TNIP1: variants seen among roughly 807,000 people sequenced by gnomAD.
TNIP1 encodes the protein TNFAIP3 interacting protein 1, also known as TNFAIP3-interacting protein 1.
A neutral mutation model predicts 86.6 loss-of-function variants in TNIP1; 22 were observed. The observed-to-expected ratio is 0.25, with a 90% CI of 0.18 to 0.36. TNIP1 has a LOEUF of 0.36. Ranked by LOEUF, TNIP1 falls within the 10% of genes least tolerant of loss-of-function variation. The pLI is 1.00. For missense variants in TNIP1, 709 were observed against 820.6 expected (o/e 0.86, Z 1.66); for synonymous variants, 294 against 313.0 (o/e 0.94, Z 0.64).
chr5:151,042,740 C>T, intron 10 of TNIP1, 69 bp from the exon 11 acceptor site: 2 of 1,601,820 alleles, frequency 1.2e-6, no homozygotes, highest in South Asian at 1.1e-5. Context: ...TGGGCAGGGC[C>T]TGGCTGCCCC....
At chr5:151,034,171 A>ATAGC (rs1191665716) in intron 15 of TNIP1, among the ~76,000 whole-genome samples, 5 of 101,838 alleles carry the variant, frequency 4.9e-5, no homozygotes, top group African/African-American at 1.8e-4. Context: ...ACAGAAGGCT[A>ATAGC]GTACATGGGC....
At chr5:151,030,945 C>A (rs1756806991) in intron 17 of TNIP1, among the ~76,000 whole-genome samples, 198 bp from the exon 18 acceptor site, 1 of 152,146 alleles carries the variant, frequency 6.6e-6, no homozygotes, top group Admixed American at 6.5e-5. Context: ...GTTATTATCC[C>A]ATTGTAAAAG....
chr5:151,049,136 G>A (rs61229874), intron 8 of TNIP1, among the ~76,000 whole-genome samples: 2,623 of 152,296 alleles, frequency 0.017, 72 homozygotes, highest in African/African-American at 0.06. Flanking sequence ...AAGACATTGA[G>A]CCCTACTGTT....
intron 4 of TNIP1, among the ~76,000 whole-genome samples, 170 bp from the exon 5 acceptor site, chr5:151,060,565 C>T (rs1229477401): frequency 6.6e-6 from 1 of 152,254 alleles, no homozygotes; most frequent in Admixed American, 6.5e-5. Context: ...CTCGACAAGC[C>T]TGTCATAGCC....
At chr5:151,063,780 T>A in intron 2 of TNIP1, 33 bp from the exon 3 acceptor site, 1 of 1,605,706 alleles carries the variant, frequency 6.2e-7, no homozygotes, top group Non-Finnish European at 8.5e-7. Flanking sequence ...AGCAAAAGCA[T>A]TTACTCGGCT....
chr5:151,070,478 C>A (rs1762709456), intron 1 of TNIP1, among the ~76,000 whole-genome samples: 1 of 152,160 alleles, frequency 6.6e-6, no homozygotes, highest in Admixed American at 6.5e-5. Context: ...TCCACTTATT[C>A]TCTAGTGACC....
rs182662795 is a variant in TNIP1, at chr5:151,032,170, G to A, written c.1876+117C>T. 1.1e-5 allele frequency: 9 copies of A among 825,520 alleles called. No homozygotes were observed. In the Admixed American group the frequency reaches 2.2e-4, roughly 21 times the overall value. 51.1% of individuals were successfully genotyped at this position (825,520 alleles called of 1,614,324 possible). A position where few individuals can be genotyped will look rare whatever the true frequency, so the allele number is the denominator to read the frequency against. On this transcript the variant is annotated intron_variant, in intron 17 of 17. Coordinates refer to ENST00000521591, the MANE Select transcript of TNIP1 (RefSeq NM_006058.5). ...CCATTCAACACTGTTTTGGAAAGCT[G>A]GGCCTCTCCTCCACCAAGAGCAGAA...
At chr5:151,041,651 G>A (rs1758429188) in intron 11 of TNIP1, among the ~76,000 whole-genome samples, 1 of 152,202 alleles carries the variant, frequency 6.6e-6, no homozygotes, top group African/African-American at 2.4e-5. Context: ...ATAGGCACAA[G>A]CCACCCAACC....
chr5:151,075,674 G>A (rs1003492671), intron 1 of TNIP1, among the ~76,000 whole-genome samples: 8 of 152,222 alleles, frequency 5.3e-5, no homozygotes, highest in African/African-American at 9.6e-5. Context: ...ACCAGATCAC[G>A]CAGGAGTTGC....
At chr5:151,077,412 A>G (rs1303242443) in intron 1 of TNIP1, among the ~76,000 whole-genome samples, 1 of 152,222 alleles carries the variant, frequency 6.6e-6, no homozygotes, top group Admixed American at 6.5e-5. Flanking sequence ...CAATAGCCTC[A>G]TGATTAGCAT....
At chr5:151,032,645 A>T (rs1757052953) in intron 16 of TNIP1, 1 of 491,072 alleles carries the variant, frequency 2.0e-6, no homozygotes, top group African/African-American at 2.0e-5. Flanking sequence ...CTTAAGCGCC[A>T]TACTATATAC....
At chr5:151,059,587 G>A (rs1024621005) in intron 5 of TNIP1, among the ~76,000 whole-genome samples, 5 of 152,128 alleles carry the variant, frequency 3.3e-5, no homozygotes, top group Non-Finnish European at 7.4e-5. Flanking sequence ...CTTAAAAGTG[G>A]GAAGGAAGGG....
chr5:151,060,756 A>T (rs950882368), intron 4 of TNIP1, among the ~76,000 whole-genome samples: 1 of 152,236 alleles, frequency 6.6e-6, no homozygotes, highest in African/African-American at 2.4e-5. Context: ...GTGGGTCAGA[A>T]GGTTATATCC....
At position 151,064,983 on chromosome 5, in the gene TNIP1, T is replaced by C; in HGVS notation, c.113A>G (p.Lys38Arg). Residue 38 changes from lysine (K) to arginine (R), a missense_variant, in exon 2 of 18, where the codon AAA becomes AGA. By Grantham distance (26) the Lys-to-Arg change is conservative (BLOSUM62 2). Coordinates refer to ENST00000521591, the MANE Select transcript of TNIP1 (RefSeq NM_006058.5). The stretch of plus-strand genomic sequence containing the variant: ...ACCTAACATCTTTATCCCTTGCATT[T>C]TTTCCTTCAGCCGGGAATTCTCCTT... Reference protein sequence around the residue: ...LVKENSRLKEKMQGIKMLGEL... With the variant: ...LVKENSRLKERMQGIKMLGEL... The C allele has an allele frequency of 6.2e-7, 1 of 1,614,180 alleles. No individual in the cohort carries two copies. Among genetic ancestry groups the C allele is most frequent in the Non-Finnish European group, 8.5e-7 (1 of 1,180,024 alleles).
At chr5:151,070,677 C>G (rs1201386524) in intron 1 of TNIP1, among the ~76,000 whole-genome samples, 1 of 152,148 alleles carries the variant, frequency 6.6e-6, no homozygotes, top group Non-Finnish European at 1.5e-5. Context: ...AAGTGAGATG[C>G]CATGATATCA....
chr5:151,033,256 GC>G (rs1757159339), intron 16 of TNIP1, among the ~76,000 whole-genome samples: 1 of 151,956 alleles, frequency 6.6e-6, no homozygotes, highest in Non-Finnish European at 1.5e-5. Context: ...ACATGGTGAG[GC>G]TCTGGAACCT....
chr5:151,052,771 A>ACC (rs150316899), intron 6 of TNIP1, among the ~76,000 whole-genome samples: 3,528 of 151,714 alleles, frequency 0.023, 143 homozygotes, highest in African/African-American at 0.08. Flanking sequence ...CTTAATATCT[A>ACC]CCCCCTTACC....
At chr5:151,085,644 C>G (rs576022215), upstream of TNIP1, among the ~76,000 whole-genome samples, 1 of 152,302 alleles carries the variant, frequency 6.6e-6, no homozygotes, top group East Asian at 1.9e-4. Context: ...CCTAGCCAGG[C>G]CCCTCCCACA....
chr5:151,072,063 G>A (rs1762876538), intron 1 of TNIP1, among the ~76,000 whole-genome samples: 1 of 152,236 alleles, frequency 6.6e-6, no homozygotes, highest in Non-Finnish European at 1.5e-5. Context: ...GCAGCTACAT[G>A]GATGAGGAAG....
Sources: allele counts gnomAD v4.1 joint callset (sites outside exome capture counted in the v4.1 genomes callset), GRCh38; gene constraint gnomAD v4.1.1; transcripts MANE v1.5; gene names NCBI Gene and HGNC (gene_info 2026-07-23, HGNC 2026-07-21).